Variants in MEGF11 observed in about 807,000 individuals in gnomAD.
The protein encoded by MEGF11 is multiple epidermal growth factor-like domains protein 11.
In MEGF11, 126 loss-of-function variants were observed where a neutral mutation model predicts 146.6. That is an observed-to-expected ratio of 0.86 (90% confidence interval 0.74 to 1.00). The LOEUF (loss-of-function observed/expected upper bound fraction) is 1.00. Ranked by LOEUF, MEGF11 falls within the 50% of genes least tolerant of loss-of-function variation. The pLI is 0.00. For missense variants in MEGF11, 1,509 were observed against 1,521.2 expected (o/e 0.99, Z 0.13); for synonymous variants, 532 against 583.4 (o/e 0.91, Z 1.27).
chr15:66,124,414 G>A (rs2088227907), intron 2 of MEGF11, among the ~76,000 whole-genome samples: 2 of 152,230 alleles, frequency 1.3e-5, no homozygotes, highest in Admixed American at 1.3e-4. Context: ...ACTCTGTGAA[G>A]TAAGTGGCCC....
chr15:66,203,816 G>T (rs112879804), intron 1 of MEGF11, among the ~76,000 whole-genome samples: 2 of 152,210 alleles, frequency 1.3e-5, no homozygotes, highest in African/African-American at 4.8e-5. Context: ...GATACTAGAA[G>T]ATATTAGAAA....
intron 5 of MEGF11, among the ~76,000 whole-genome samples, chr15:66,090,665 C>T (rs567396903): frequency 1.5e-4 from 23 of 152,274 alleles, no homozygotes; most frequent in Admixed American, 1.3e-3. Context: ...GGAAAAAGGA[C>T]GGTGGGCCTA....
chr15:66,178,976 A>G (rs2090466859), intron 1 of MEGF11, among the ~76,000 whole-genome samples: 1 of 152,238 alleles, frequency 6.6e-6, no homozygotes, highest in Admixed American at 6.5e-5. Context: ...AAAAAGAAAC[A>G]AAAACCCCAT....
At position 66,107,915 on chromosome 15, in the gene MEGF11, T is replaced by C. The variant is rs185708309; in HGVS notation, c.301+11171A>G. ...GCCAGTGAGAGAAACAATAAACACA[T>C]TGACAATGGGACCTGGAGTGAAAGG... On this transcript the variant is annotated intron_variant, in intron 4 of 25. Coordinates refer to ENST00000395614, the MANE Select transcript of MEGF11 (RefSeq NM_001385028.1). Among the ~76,000 whole-genome samples the C allele has an allele frequency of 2.7e-3, 411 of 152,042 alleles. 1 individual carries two copies. Among genetic ancestry groups the C allele is most frequent in the African/African-American group, 9.3e-3 (387 of 41,434 alleles).
intron 1 of MEGF11, among the ~76,000 whole-genome samples, chr15:66,236,370 G>C (rs1242140378): frequency 1.3e-5 from 2 of 152,158 alleles, no homozygotes; most frequent in Non-Finnish European, 2.9e-5. Context: ...GCAGGGACAT[G>C]GTCCAGTTTG....
chr15:65,993,582 C>T (rs1342214408), intron 5 of MEGF11, among the ~76,000 whole-genome samples: 2 of 152,220 alleles, frequency 1.3e-5, no homozygotes, highest in Non-Finnish European at 2.9e-5. Context: ...GTTGGTCCTG[C>T]ACCCTCCCCG....
Position 65,982,463 on chromosome 15 carries a change from G to C in MEGF11, c.420C>G (p.Pro140=). 1 of 1,485,006 alleles carries C rather than the reference G, an allele frequency of 6.7e-7. No homozygotes were observed. The highest frequency in any genetic ancestry group is 2.5e-5 in the East Asian group (1 of 40,632). 92.0% of individuals were successfully genotyped at this position (1,485,006 alleles called of 1,614,324 possible). Residue 140 remains proline (P), a synonymous_variant, in exon 6 of 26, where the codon CCC becomes CCG. Coordinates refer to ENST00000395614, the MANE Select transcript of MEGF11 (RefSeq NM_001385028.1). The surrounding 1 kb of genome is among the most constrained non-coding windows in gnomAD (Gnocchi z 5.6). The part of the protein sequence containing the change: ...SSGCDSDHWG[P]HCSNRCQCQN... ...GGCACTGGCACCGGTTGCTGCAGTG[G>C]GGCCCCCAGTGGTCGCTGTCGCAGC...
At chr15:65,905,635 A>T (rs1027580347) in intron 24 of MEGF11, 1 of 153,160 alleles carries the variant, frequency 6.5e-6, no homozygotes, top group Non-Finnish European at 1.5e-5. Flanking sequence ...GGAGTGCCAT[A>T]CAATATTAAC....
intron 15 of MEGF11, among the ~76,000 whole-genome samples, chr15:65,918,817 T>C (rs2079084002): frequency 6.6e-6 from 1 of 152,240 alleles, no homozygotes; most frequent in Admixed American, 6.5e-5. Context: ...AAAGCTCTTT[T>C]AGGACTAGGT....
intron 20 of MEGF11, among the ~76,000 whole-genome samples, chr15:65,912,883 T>G (rs1054346582): frequency 6.6e-6 from 1 of 152,170 alleles, no homozygotes; most frequent in African/African-American, 2.4e-5. Context: ...CTGGGTTTTC[T>G]AAGCACAAGA....
intron 1 of MEGF11, among the ~76,000 whole-genome samples, chr15:66,202,324 C>T (rs908223218): frequency 6.6e-6 from 1 of 152,222 alleles, no homozygotes; most frequent in African/African-American, 2.4e-5. Context: ...ATTTGAACCC[C>T]TGTGTTTTCA....
At chr15:66,243,751 G>A (rs2092253698) in intron 1 of MEGF11, among the ~76,000 whole-genome samples, 3 of 152,162 alleles carry the variant, frequency 2.0e-5, no homozygotes, top group African/African-American at 4.8e-5. Flanking sequence ...AACCAGGCAA[G>A]TCAGGCAGGG....
At chr15:66,154,204 C>T (rs1010081448) in intron 1 of MEGF11, among the ~76,000 whole-genome samples, 14 of 152,216 alleles carry the variant, frequency 9.2e-5, no homozygotes, top group East Asian at 5.8e-4. Context: ...CCTTGCTACC[C>T]GAAACAACAA....
chr15:66,047,307 C>T (rs189193323), intron 5 of MEGF11, among the ~76,000 whole-genome samples: 12 of 152,314 alleles, frequency 7.9e-5, no homozygotes, highest in East Asian at 5.8e-4. Flanking sequence ...CCAGCTTTGG[C>T]GTTTCCTAGC....
chr15:66,206,176 G>A (rs568334063), intron 1 of MEGF11, among the ~76,000 whole-genome samples: 1 of 152,242 alleles, frequency 6.6e-6, no homozygotes, highest in African/African-American at 2.4e-5. Flanking sequence ...GAATAGAGGG[G>A]CAGAGAAAAG....
At chr15:66,155,470 C>T (rs555877814) in intron 1 of MEGF11, among the ~76,000 whole-genome samples, 12 of 152,286 alleles carry the variant, frequency 7.9e-5, no homozygotes, top group Non-Finnish European at 1.8e-4. Context: ...TAGGCACTCC[C>T]TTGCTGACTT....
At chr15:66,224,718 A>G (rs2091814488) in intron 1 of MEGF11, among the ~76,000 whole-genome samples, 1 of 146,986 alleles carries the variant, frequency 6.8e-6, no homozygotes, top group African/African-American at 2.5e-5. Context: ...TACATTTTAT[A>G]TATATCATAT....
At chr15:66,124,572 G>A (rs2088237891) in intron 2 of MEGF11, among the ~76,000 whole-genome samples, 1 of 152,322 alleles carries the variant, frequency 6.6e-6, no homozygotes, top group Non-Finnish European at 1.5e-5. Flanking sequence ...AGGTGGAATT[G>A]TTCTCACTTT....
chr15:65,909,231 G>C (rs903733804), intron 22 of MEGF11, 96 bp from the exon 23 acceptor site: 2 of 888,456 alleles, frequency 2.3e-6, no homozygotes, highest in African/African-American at 1.6e-5. Context: ...CAGGGTCAGG[G>C]TGAGGCAGGC....
Sources: allele counts gnomAD v4.1 joint callset (sites outside exome capture counted in the v4.1 genomes callset), GRCh38; gene constraint gnomAD v4.1.1; non-coding constraint Gnocchi (gnomAD v3.1); transcripts MANE v1.5; gene names NCBI Gene and HGNC (gene_info 2026-07-23, HGNC 2026-07-21).